RALYL: variants seen among roughly 807,000 people sequenced by gnomAD.
The protein encoded by RALYL is RNA-binding Raly-like protein.
RALYL carries 29 observed loss-of-function variants against 35.1 expected under a neutral mutation model. The observed-to-expected ratio is 0.83, with a 90% CI of 0.61 to 1.13. RALYL has a LOEUF of 1.13. RALYL is among the 50% of genes most tolerant of loss of function. RALYL has a pLI of 0.00. For missense variants in RALYL, 359 were observed against 360.4 expected (o/e 1.00, Z 0.03); for synonymous variants, 120 against 127.6 (o/e 0.94, Z 0.40).
chr8:84,476,427 C>A (rs2053429604), intron 1 of RALYL, among the ~76,000 whole-genome samples: 1 of 152,126 alleles, frequency 6.6e-6, no homozygotes, highest in African/African-American at 2.4e-5. Flanking sequence ...CAAAGCCATG[C>A]AAGGTAAAGT....
At chr8:84,717,672 A>C (rs576021428) in intron 2 of RALYL, among the ~76,000 whole-genome samples, 2 of 152,310 alleles carry the variant, frequency 1.3e-5, no homozygotes, top group South Asian at 4.1e-4. Context: ...ATCAGTTATG[A>C]TAATTTCATT....
At chr8:84,653,791 A>C (rs1305772514) in intron 2 of RALYL, among the ~76,000 whole-genome samples, 1 of 151,968 alleles carries the variant, frequency 6.6e-6, no homozygotes, top group Non-Finnish European at 1.5e-5. Context: ...TCCATAAAAT[A>C]AGGTGTGTTA....
intron 2 of RALYL, among the ~76,000 whole-genome samples, chr8:84,722,996 C>T (rs1323839744): frequency 6.6e-6 from 1 of 151,854 alleles, no homozygotes; most frequent in Non-Finnish European, 1.5e-5. Context: ...AAAAAGCTTG[C>T]TTCACTGAAG....
At chr8:84,437,806 G>A (rs990012387) in intron 1 of RALYL, among the ~76,000 whole-genome samples, 5 of 151,918 alleles carry the variant, frequency 3.3e-5, no homozygotes, top group East Asian at 3.9e-4. Context: ...TCTTTCTCTC[G>A]CTTGCACCTG....
intron 1 of RALYL, among the ~76,000 whole-genome samples, chr8:84,357,546 C>G (rs546336620): frequency 2.0e-5 from 3 of 151,946 alleles, no homozygotes; most frequent in Admixed American, 2.0e-4. Context: ...GAAATGTATG[C>G]TAGTGATTTC....
chr8:84,271,592 AT>A (rs1369625110), intron 1 of RALYL, among the ~76,000 whole-genome samples: 1 of 151,952 alleles, frequency 6.6e-6, no homozygotes, highest in African/African-American at 2.4e-5. Context: ...ATAAACCTAA[AT>A]GACCATCATC....
intron 1 of RALYL, among the ~76,000 whole-genome samples, chr8:84,392,522 A>G (rs562138796): frequency 6.6e-6 from 1 of 152,210 alleles, no homozygotes; most frequent in Non-Finnish European, 1.5e-5. Context: ...AACATTTAAA[A>G]TATTTAAAAA....
chr8:84,722,832 G>T (rs1844245756), intron 2 of RALYL, among the ~76,000 whole-genome samples: 1 of 147,322 alleles, frequency 6.8e-6, no homozygotes, highest in Non-Finnish European at 1.5e-5. Flanking sequence ...GTATAAAAAA[G>T]GGAGAATAAC....
intron 1 of RALYL, among the ~76,000 whole-genome samples, chr8:84,295,172 G>C (rs1839524589): frequency 6.6e-6 from 1 of 152,084 alleles, no homozygotes; most frequent in Admixed American, 6.6e-5. Flanking sequence ...TTGAGAATTG[G>C]AAGTTTGATT....
At chr8:84,717,211 T>C (rs147310635) in intron 2 of RALYL, among the ~76,000 whole-genome samples, 4 of 152,268 alleles carry the variant, frequency 2.6e-5, no homozygotes, top group Admixed American at 2.0e-4. Flanking sequence ...GATGTGTTTG[T>C]TACTATGATT....
At chr8:84,374,533 A>G (rs1001222453) in intron 1 of RALYL, among the ~76,000 whole-genome samples, 1 of 152,002 alleles carries the variant, frequency 6.6e-6, no homozygotes, top group Non-Finnish European at 1.5e-5. Context: ...ATGGAATACT[A>G]TGCAGCCATA....
At chr8:84,415,309 G>A (rs1244823886) in intron 1 of RALYL, among the ~76,000 whole-genome samples, 2 of 150,038 alleles carry the variant, frequency 1.3e-5, no homozygotes, top group Non-Finnish European at 3.0e-5. Flanking sequence ...ATCTCGGCTC[G>A]GCTCACTGCA....
chr8:84,702,410 C>T (rs778195539), intron 2 of RALYL, among the ~76,000 whole-genome samples: 146 of 152,108 alleles, frequency 9.6e-4, no homozygotes, highest in Non-Finnish European at 2.4e-4. Context: ...ATTACCTCTA[C>T]GTGTTCTCAT....
intron 2 of RALYL, among the ~76,000 whole-genome samples, chr8:84,614,358 C>A (rs958939963): frequency 1.3e-5 from 2 of 151,642 alleles, no homozygotes; most frequent in African/African-American, 4.9e-5. Context: ...CAAAGGCCAT[C>A]TGACAACATA....
intron 1 of RALYL, among the ~76,000 whole-genome samples, chr8:84,351,622 A>T: frequency 6.8e-6 from 1 of 147,362 alleles, no homozygotes; most frequent in African/African-American, 2.6e-5. Flanking sequence ...CATATTGTTA[A>T]TTCGATTTTT....
intron 4 of RALYL, among the ~76,000 whole-genome samples, chr8:84,838,583 T>C (rs1832514907): frequency 6.6e-6 from 1 of 152,224 alleles, no homozygotes; most frequent in African/African-American, 2.4e-5. Context: ...ATTTTTAACT[T>C]TGACAGATAA....
intron 2 of RALYL, among the ~76,000 whole-genome samples, chr8:84,589,919 A>G (rs972691028): frequency 2.0e-5 from 3 of 152,224 alleles, no homozygotes; most frequent in Non-Finnish European, 4.4e-5. Flanking sequence ...ATTGAACATG[A>G]TAAATTGATT....
intron 1 of RALYL, among the ~76,000 whole-genome samples, chr8:84,490,079 ATGTG>A (rs143193843): frequency 6.7e-4 from 97 of 144,468 alleles, no homozygotes; most frequent in Middle Eastern, 3.6e-3. Flanking sequence ...GCTTGCGTGC[ATGTG>A]TGTGTGTGTG....
At chr8:84,870,748 A>AT (rs1840053407) in intron 6 of RALYL, among the ~76,000 whole-genome samples, 1 of 152,086 alleles carries the variant, frequency 6.6e-6, no homozygotes, top group African/African-American at 2.4e-5. Context: ...GAGGAGGTTC[A>AT]TCCCAGGCAT....
Sources: gnomAD v4.1 joint callset for allele counts (sites outside exome capture counted in the v4.1 genomes callset) on GRCh38, gnomAD v4.1.1 for gene constraint, MANE v1.5 for transcripts, NCBI Gene and HGNC (gene_info 2026-07-23, HGNC 2026-07-21) for gene names.